Variants in CCDC192 observed in about 807,000 individuals in gnomAD.
CCDC192 encodes coiled-coil domain containing 192, also known as coiled-coil domain-containing protein 192.
chr5:127,848,760 T>C (rs1336469553), intron 5 of CCDC192, among the ~76,000 whole-genome samples: 2 of 152,244 alleles, frequency 1.3e-5, no homozygotes, highest in African/African-American at 4.8e-5. Flanking sequence ...TGAATAAGAA[T>C]TAGCTATCAT....
intron 3 of CCDC192, among the ~76,000 whole-genome samples, chr5:127,771,718 C>T (rs1755563687): frequency 6.6e-6 from 1 of 152,184 alleles, no homozygotes; most frequent in Admixed American, 6.5e-5. Flanking sequence ...CTTTCCTCTT[C>T]AAATAACAGA....
At position 127,822,847 on chromosome 5, in the gene CCDC192, C is replaced by T. The variant is rs1561508240; in HGVS notation, c.411+24685C>T. On this transcript the variant is annotated intron_variant, in intron 5 of 6. Coordinates refer to ENST00000514853, the MANE Select transcript of CCDC192 (RefSeq NM_001317938.2). ...TGTTGCTGCAGGGTTGGAGGCTCTG[C>T]CCAAGTCCTCAGGCCCCTGAGGCCC... is the stretch of plus-strand genomic sequence containing the variant. Among the ~76,000 whole-genome samples the T allele has an allele frequency of 2.0e-5, 3 of 152,180 alleles. No individual in the cohort carries two copies. In the South Asian group the frequency reaches 6.2e-4, roughly 32 times the overall value.
intron 2 of CCDC192, among the ~76,000 whole-genome samples, chr5:127,751,178 G>T (rs1173910769): frequency 2.0e-5 from 3 of 150,408 alleles, no homozygotes. Flanking sequence ...TGGTTATTTT[G>T]CTCGTTAGTT....
intron 3 of CCDC192, chr5:127,785,353 G>A (rs571017390): frequency 1.7e-3 from 741 of 435,022 alleles, no homozygotes; most frequent in Non-Finnish European, 2.8e-3. Flanking sequence ...CAGTCTAGGG[G>A]TTCTGAATTT....
rs1009138169 is a variant in CCDC192 at position 127,919,734 on chromosome 5, C to A, written c.536-21448C>A. 3.3e-5 allele frequency among the ~76,000 whole-genome samples: 5 copies of A among 152,388 alleles called. No homozygotes were observed. The Middle Eastern group carries it at 0.01, about 311-fold the overall frequency. Reference sequence around the variant, plus strand: ...TTCCAAAGCATCCTCTCCAAAATCACTGGATGACTGCTCCTTCCTGTAGCT... The same window carrying A: ...TTCCAAAGCATCCTCTCCAAAATCAATGGATGACTGCTCCTTCCTGTAGCT... On this transcript the variant is annotated intron_variant, in intron 6 of 6. Transcript: ENST00000514853.
At position 127,786,761 on chromosome 5, in the gene CCDC192, C is replaced by A. The variant is rs930048310; in HGVS notation, c.223-10342C>A. 10 of 669,218 alleles carry A rather than the reference C, an allele frequency of 1.5e-5. No individual in the cohort carries two copies. The African/African-American group carries it at 1.8e-4, about 12-fold the overall frequency. The allele number at this position is 669,218 out of a possible 1,614,324, so 41.5% of individuals were successfully genotyped here. On this transcript the variant is annotated intron_variant, in intron 3 of 6. Coordinates refer to ENST00000514853, the MANE Select transcript of CCDC192 (RefSeq NM_001317938.2). ...TAAGAAGACTTGTCAAGTAATTATT[C>A]AAAAATTACTTAAGTTGTTTGTATA...
At chr5:127,878,855 A>C (rs1341011017) in intron 6 of CCDC192, among the ~76,000 whole-genome samples, 1 of 148,752 alleles carries the variant, frequency 6.7e-6, no homozygotes, top group African/African-American at 2.5e-5. Context: ...ATGTTCTTCC[A>C]TTTGTTTGTA....
chr5:127,801,848 C>T (rs1351502206), intron 5 of CCDC192, among the ~76,000 whole-genome samples: 2 of 152,196 alleles, frequency 1.3e-5, no homozygotes, highest in African/African-American at 4.8e-5. Context: ...CTCCATCCAG[C>T]AGCATGAGTA....
chr5:127,871,555 T>C (rs1475246230), intron 5 of CCDC192, among the ~76,000 whole-genome samples: 2 of 152,178 alleles, frequency 1.3e-5, no homozygotes, highest in Non-Finnish European at 1.5e-5. Flanking sequence ...GTCATTTCTA[T>C]GTTATGTCCT....
chr5:127,729,459 A>G (rs1752516078), intron 2 of CCDC192, among the ~76,000 whole-genome samples: 3 of 152,084 alleles, frequency 2.0e-5, no homozygotes, highest in African/African-American at 2.4e-5. Flanking sequence ...ATCACAGATC[A>G]TAGTGACAGA....
chr5:127,860,329 C>G (rs1047058762), intron 5 of CCDC192, among the ~76,000 whole-genome samples: 3 of 152,164 alleles, frequency 2.0e-5, no homozygotes, highest in Non-Finnish European at 4.4e-5. Flanking sequence ...GAAAAACAAG[C>G]TCTTTCTAAT....
chr5:127,814,336 C>T (rs1459455745), intron 5 of CCDC192, among the ~76,000 whole-genome samples: 1 of 152,122 alleles, frequency 6.6e-6, no homozygotes, highest in South Asian at 2.1e-4. Context: ...AAGTTATGTC[C>T]AGTTTGAGCC....
chr5:127,812,844 T>G lies in CCDC192; in HGVS notation c.411+14682T>G, dbSNP rs891501443. 6.6e-5 allele frequency among the ~76,000 whole-genome samples: 10 copies of G among 152,182 alleles called. 1 individual carries two copies. Among genetic ancestry groups the G allele is most frequent in the Non-Finnish European group, 1.2e-4 (8 of 68,032 alleles). ...ACTGAAAAAGACAATCTTTGATGTT[T>G]CAAGGCAATTCTGACCACACTCTTT... is the stretch of plus-strand genomic sequence containing the variant. On this transcript the variant is annotated intron_variant, in intron 5 of 6. Transcript: ENST00000514853.
At chr5:127,933,224 G>A (rs76763896) in intron 6 of CCDC192, among the ~76,000 whole-genome samples, 9 of 152,284 alleles carry the variant, frequency 5.9e-5, no homozygotes, top group Admixed American at 6.5e-5. Flanking sequence ...GTGAGACTTT[G>A]GTCTGCATGA....
At chr5:127,716,743 AC>A (rs1751642940) in intron 2 of CCDC192, among the ~76,000 whole-genome samples, 1 of 152,244 alleles carries the variant, frequency 6.6e-6, no homozygotes, top group South Asian at 2.1e-4. Flanking sequence ...CATAGGATTA[AC>A]CTTCATTCAA....
intron 3 of CCDC192, among the ~76,000 whole-genome samples, chr5:127,790,373 A>G (rs1358314429): frequency 6.6e-6 from 1 of 152,198 alleles, no homozygotes; most frequent in African/African-American, 2.4e-5. Flanking sequence ...GGTACATATA[A>G]TATTTTGATA....
intron 5 of CCDC192, among the ~76,000 whole-genome samples, chr5:127,806,460 A>G (rs1246153600): frequency 6.6e-6 from 1 of 151,982 alleles, no homozygotes; most frequent in Non-Finnish European, 1.5e-5. Flanking sequence ...GTCTTTGCTT[A>G]GCTATTTGAT....
chr5:127,744,058 C>T (rs1753593936), intron 2 of CCDC192, among the ~76,000 whole-genome samples: 2 of 142,242 alleles, frequency 1.4e-5, no homozygotes, highest in African/African-American at 5.3e-5. Context: ...TGCGCCACTG[C>T]ACTCCAGCCT....
chr5:127,808,525 C>T (rs558728886), intron 5 of CCDC192, among the ~76,000 whole-genome samples: 9 of 152,176 alleles, frequency 5.9e-5, no homozygotes, highest in African/African-American at 1.9e-4. Context: ...GATACTCTCC[C>T]GCTACCTTCT....
Sources: allele counts gnomAD v4.1 joint callset (sites outside exome capture counted in the v4.1 genomes callset), GRCh38; gene constraint gnomAD v4.1.1; transcripts MANE v1.5; gene names NCBI Gene and HGNC (gene_info 2026-07-23, HGNC 2026-07-21).